NALF1: variants seen among roughly 807,000 people sequenced by gnomAD.
NALF1 encodes the protein family with sequence similarity 155 member A.
NALF1 carries 3 observed loss-of-function variants against 48.4 expected under a neutral mutation model. The observed-to-expected ratio is 0.06, with a 90% CI of 0.03 to 0.16. The LOEUF is 0.16. Ranked by LOEUF, NALF1 falls within the 10% of genes least tolerant of loss-of-function variation. The probability of loss-of-function intolerance (pLI) is 1.00; values close to 1 mark genes in which losing one functional copy is unlikely to be tolerated. For synonymous variants in NALF1, 262 were observed against 245.7 expected (o/e 1.07, Z -0.62); for missense variants, 526 against 571.5 (o/e 0.92, Z 0.81).
intron 1 of NALF1, among the ~76,000 whole-genome samples, chr13:107,599,267 A>G (rs1372778983): frequency 6.6e-6 from 1 of 152,058 alleles, no homozygotes; most frequent in Non-Finnish European, 1.5e-5. Flanking sequence ...AAAAAAATAC[A>G]AAAAATTAGC....
chr13:107,292,729 T>A (rs935784654), intron 1 of NALF1, among the ~76,000 whole-genome samples: 5 of 152,186 alleles, frequency 3.3e-5, no homozygotes, highest in Non-Finnish European at 7.3e-5. Context: ...TAAAATGTTT[T>A]TAAATAAGTA....
chr13:107,664,287 A>G (rs1880802538), intron 1 of NALF1, among the ~76,000 whole-genome samples: 1 of 152,128 alleles, frequency 6.6e-6, no homozygotes, highest in Admixed American at 6.6e-5. Flanking sequence ...TTCCGGTGAG[A>G]CTTACAACCC....
At chr13:107,309,536 C>G (rs1882004373) in intron 1 of NALF1, among the ~76,000 whole-genome samples, 1 of 152,146 alleles carries the variant, frequency 6.6e-6, no homozygotes, top group Non-Finnish European at 1.5e-5. Context: ...ATTTAATCAA[C>G]TAGCATTATC....
intron 1 of NALF1, among the ~76,000 whole-genome samples, chr13:107,853,684 T>G (rs1337563740): frequency 6.6e-6 from 1 of 152,190 alleles, no homozygotes; most frequent in African/African-American, 2.4e-5. Flanking sequence ...AATTAAGGAT[T>G]TAAGACATAA....
At chr13:107,451,067 CA>C (rs1343359504) in intron 1 of NALF1, among the ~76,000 whole-genome samples, 6 of 152,142 alleles carry the variant, frequency 3.9e-5, no homozygotes, top group African/African-American at 1.4e-4. Context: ...AATAAAAACC[CA>C]AAGGGAGGCA....
intron 1 of NALF1, among the ~76,000 whole-genome samples, chr13:107,465,086 T>C (rs1447592602): frequency 1.3e-5 from 2 of 152,098 alleles, no homozygotes; most frequent in Non-Finnish European, 2.9e-5. Flanking sequence ...CATTTATATG[T>C]TTAATTACAG....
intron 1 of NALF1, among the ~76,000 whole-genome samples, chr13:107,749,736 C>T (rs142167678): frequency 6.6e-6 from 1 of 151,984 alleles, no homozygotes; most frequent in Non-Finnish European, 1.5e-5. Context: ...TAAATATAGT[C>T]GTAGCAAATC....
intron 1 of NALF1, among the ~76,000 whole-genome samples, chr13:107,635,687 T>C (rs907396172): frequency 3.3e-5 from 5 of 152,308 alleles, no homozygotes; most frequent in Non-Finnish European, 7.3e-5. Flanking sequence ...AATGAACCTG[T>C]AGCTTTGTTT....
chr13:107,263,249 G>GAC (rs34637583), intron 1 of NALF1, among the ~76,000 whole-genome samples: 18,466 of 138,266 alleles, frequency 0.13, 1,209 homozygotes, highest in African/African-American at 0.15. Context: ...AATGCTAACA[G>GAC]ACACACACAC....
intron 1 of NALF1, among the ~76,000 whole-genome samples, chr13:107,438,047 A>G (rs1884491604): frequency 6.6e-6 from 1 of 152,202 alleles, no homozygotes. Context: ...CATCCAATGT[A>G]TTTTTCAGTT....
chr13:107,338,959 C>T (rs765423529), intron 1 of NALF1, among the ~76,000 whole-genome samples: 4 of 151,780 alleles, frequency 2.6e-5, no homozygotes, highest in African/African-American at 4.8e-5. Flanking sequence ...GGTGAAACCC[C>T]GTCTCTACTA....
rs1330405160 is a variant in NALF1, at chr13:107,301,888, T to C, written c.916-91133A>G. Among the ~76,000 whole-genome samples, 5 of 152,144 alleles carry C rather than the reference T, an allele frequency of 3.3e-5. No homozygotes were observed. The East Asian group carries it at 7.7e-4, about 23-fold the overall frequency. On this transcript the variant is annotated intron_variant, in intron 1 of 2. Coordinates refer to ENST00000375915, the MANE Select transcript of NALF1 (RefSeq NM_001080396.3). ...GATCAACCCTACAGCCAAGAACAAC[T>C]AGAAAAGCTGAAAAAACAACCTATT... is the stretch of plus-strand genomic sequence containing the variant.
At chr13:107,688,122 A>G (rs1881481717) in intron 1 of NALF1, among the ~76,000 whole-genome samples, 1 of 152,198 alleles carries the variant, frequency 6.6e-6, no homozygotes, top group Non-Finnish European at 1.5e-5. Flanking sequence ...AATGTGTGCT[A>G]AATGTCTTAA....
At chr13:107,467,757 T>C (rs1566354619) in intron 1 of NALF1, among the ~76,000 whole-genome samples, 1 of 152,182 alleles carries the variant, frequency 6.6e-6, no homozygotes. Context: ...TCAAGAAGTA[T>C]TGGCCGGGTG....
intron 1 of NALF1, among the ~76,000 whole-genome samples, chr13:107,782,380 A>G (rs1403675367): frequency 6.6e-6 from 1 of 152,138 alleles, no homozygotes; most frequent in East Asian, 1.9e-4. Flanking sequence ...GCTGGAGTGC[A>G]GTGGCGTGAT....
chr13:107,844,722 AC>A (rs1377495005), intron 1 of NALF1, among the ~76,000 whole-genome samples: 1 of 152,198 alleles, frequency 6.6e-6, no homozygotes, highest in African/African-American at 2.4e-5. Flanking sequence ...TGTTTAAATT[AC>A]TTTTTCCCTA....
At chr13:107,200,296 G>C (rs1431621902) in intron 2 of NALF1, among the ~76,000 whole-genome samples, 1 of 152,194 alleles carries the variant, frequency 6.6e-6, no homozygotes, top group East Asian at 1.9e-4. Context: ...ATCCCAGGCA[G>C]TGGGGCTTCA....
At chr13:107,476,739 T>C (rs952599260) in intron 1 of NALF1, among the ~76,000 whole-genome samples, 1 of 152,044 alleles carries the variant, frequency 6.6e-6, no homozygotes, top group Non-Finnish European at 1.5e-5. Context: ...TGATTATAGA[T>C]TTATATGGGA....
chr13:107,803,142 A>C (rs1320117842), intron 1 of NALF1, among the ~76,000 whole-genome samples: 2 of 152,198 alleles, frequency 1.3e-5, no homozygotes, highest in African/African-American at 4.8e-5. Context: ...CATCGCAGAC[A>C]TGAAAGAAAT....
Sources: gnomAD v4.1 joint callset for allele counts (sites outside exome capture counted in the v4.1 genomes callset) on GRCh38, gnomAD v4.1.1 for gene constraint, MANE v1.5 for transcripts, NCBI Gene and HGNC (gene_info 2026-07-23, HGNC 2026-07-21) for gene names.